OSGIN2: variants seen among roughly 807,000 people sequenced by gnomAD.
The protein encoded by OSGIN2 is oxidative stress-induced growth inhibitor 2.
In OSGIN2, 19 loss-of-function variants were observed where a neutral mutation model predicts 53.8. The observed-to-expected ratio is 0.35, with a 90% CI of 0.25 to 0.52. OSGIN2 has a LOEUF of 0.52. OSGIN2 is among the 20% of genes least tolerant of loss of function. The pLI is 0.95. For synonymous variants in OSGIN2, 236 were observed against 236.0 expected, an observed-to-expected ratio of 1.00 and a Z score of 0.00; for missense variants, 520 against 662.7, an observed-to-expected ratio of 0.78 and a Z score of 2.36.
At position 89,904,418 on chromosome 8, in the gene OSGIN2, T is replaced by C. The variant is rs561563801; in HGVS notation, c.44+1581T>C. Among the ~76,000 whole-genome samples the C allele has an allele frequency of 1.9e-4, 29 of 152,372 alleles. No individual in the cohort carries two copies. In the South Asian group the frequency reaches 3.5e-3, roughly 19 times the overall value. On this transcript the variant is annotated intron_variant, in intron 1 of 5. Coordinates refer to ENST00000451899, the MANE Select transcript of OSGIN2 (RefSeq NM_001126111.3). ...GGGAGTGAAAACAAAGTATTTGCTA[T>C]GTTTTGGTCTGGAGGGACAGAAAGA... is the stretch of plus-strand genomic sequence containing the variant.
chr8:89,907,174 C>T (rs1808856615), intron 1 of OSGIN2, among the ~76,000 whole-genome samples: 1 of 152,066 alleles, frequency 6.6e-6, no homozygotes, highest in African/African-American at 2.4e-5. Flanking sequence ...TTGTTGGATG[C>T]ATAGTTTGCA....
rs2130722806 is a variant in OSGIN2 at position 89,927,253 on chromosome 8, GTT to G, written c.*1722_*1723del. The G allele has an allele frequency of 6.6e-6, 1 of 150,532 alleles. No homozygotes were observed. Among genetic ancestry groups the G allele is most frequent in the South Asian group, 2.1e-4 (1 of 4,762 alleles). 9.3% of individuals were successfully genotyped at this position (150,532 alleles called of 1,614,324 possible). ...TCCCCTTGTGTCTCAAAAGTCCACA[GTT>G]ATTCAAACAATGGCTTTTTTTGTGA... On this transcript the variant is annotated 3_prime_UTR_variant, in exon 6 of 6. Coordinates refer to ENST00000451899, the MANE Select transcript of OSGIN2 (RefSeq NM_001126111.3).
Position 89,925,635 on chromosome 8 carries a change from A to C in OSGIN2, c.*103A>C, listed in dbSNP as rs895066857. 2.5e-5 allele frequency: 20 copies of C among 802,616 alleles called. No individual in the cohort carries two copies. The African/African-American group carries it at 2.8e-4, about 11-fold the overall frequency. 49.7% of individuals were successfully genotyped at this position (802,616 alleles called of 1,614,324 possible). Reference sequence around the variant, plus strand: ...AATTTTCTGGACTTGAGTTAACTGAAGGAGAGCCTCAAACTATAGTAACTT... The same window carrying C: ...AATTTTCTGGACTTGAGTTAACTGACGGAGAGCCTCAAACTATAGTAACTT... On this transcript the variant is annotated 3_prime_UTR_variant, in exon 6 of 6. Transcript: ENST00000451899.
intron 2 of OSGIN2, among the ~76,000 whole-genome samples, chr8:89,911,627 T>TTA (rs1224140910): frequency 1.1e-5 from 1 of 93,946 alleles, no homozygotes; most frequent in African/African-American, 4.0e-5. Context: ...AAACTCTGTC[T>TTA]AAAAAAAAAA....
intron 5 of OSGIN2, chr8:89,921,441 CTGTT>C (rs942182139): frequency 1.9e-5 from 6 of 308,836 alleles, no homozygotes; most frequent in Non-Finnish European, 3.6e-5. Context: ...ACATCACTCT[CTGTT>C]TAGTTACTTT....
intron 5 of OSGIN2, among the ~76,000 whole-genome samples, chr8:89,923,761 C>G (rs1346504062): frequency 5.3e-5 from 8 of 152,100 alleles, no homozygotes; most frequent in African/African-American, 1.7e-4. Context: ...CAGGACAAAC[C>G]CTACTGTAAA....
chr8:89,907,871 C>G (rs765867775), intron 1 of OSGIN2, among the ~76,000 whole-genome samples: 2 of 152,128 alleles, frequency 1.3e-5, no homozygotes, highest in Non-Finnish European at 1.5e-5. Context: ...TTTGCATAGC[C>G]ATTTTAATGA....
Position 89,925,163 on chromosome 8 carries a change from G to A in OSGIN2, c.1281G>A (p.Val427=), listed in dbSNP as rs1481555272. Residue 427 remains valine (V), a synonymous_variant, in exon 6 of 6, where the codon GTG becomes GTA. Transcript: ENST00000451899. The part of the protein sequence containing the change: ...SDYTSFPEHR[V]LSFKSDMKCV... ...ATACCAGCTTTCCCGAGCACCGTGT[G>A]CTTTCCTTTAAGTCGGACATGAAAT... The A allele has an allele frequency of 6.2e-7, 1 of 1,614,108 alleles. No homozygotes were observed. Among genetic ancestry groups the A allele is most frequent in the Admixed American group, 1.7e-5 (1 of 60,028 alleles).
In OSGIN2 at chr8:89,926,992, T is replaced by A. The variant is rs373913422; in HGVS notation, c.*1460T>A. 15 of 152,332 alleles carry A rather than the reference T, an allele frequency of 9.8e-5. No homozygotes were observed. In the East Asian group the frequency reaches 2.9e-3, roughly 29 times the overall value. 9.4% of individuals were successfully genotyped at this position (152,332 alleles called of 1,614,324 possible). A position where few individuals can be genotyped will look rare whatever the true frequency, so the allele number is the denominator to read the frequency against. ...GACTCTTGATAATATCACACCTAAT[T>A]TAACTTGATTTTACAAGCTGTACAA... is the stretch of plus-strand genomic sequence containing the variant. On this transcript the variant is annotated 3_prime_UTR_variant, in exon 6 of 6. Transcript: ENST00000451899.
chr8:89,920,729 A>T (rs1039202053), intron 4 of OSGIN2, among the ~76,000 whole-genome samples: 2 of 152,242 alleles, frequency 1.3e-5, no homozygotes, highest in African/African-American at 2.4e-5. Flanking sequence ...AAAAATGAAT[A>T]TACTGAATTT....
In OSGIN2 at chr8:89,925,161, G is replaced by C. The variant is rs1809293352; in HGVS notation, c.1279G>C (p.Val427Leu). Residue 427 changes from valine to leucine, a missense_variant, in exon 6 of 6, where the codon GTG becomes CTG. Around this residue, in one of 3 missense-constraint regions of OSGIN2, gnomAD observed 239 missense variants for 328.3 expected, o/e 0.73. Transcript: ENST00000451899. ...TTATACCAGCTTTCCCGAGCACCGT[G>C]TGCTTTCCTTTAAGTCGGACATGAA... ...SDYTSFPEHR[V>L]LSFKSDMKCV... 6.2e-7 allele frequency: 1 copy of C among 1,614,004 alleles called. No individual in the cohort carries two copies. The highest frequency in any genetic ancestry group is 1.3e-5 in the African/African-American group (1 of 74,934).
chr8:89,903,195 A>G (rs1435779237), intron 1 of OSGIN2, among the ~76,000 whole-genome samples: 1 of 152,172 alleles, frequency 6.6e-6, no homozygotes, highest in East Asian at 1.9e-4. Flanking sequence ...ATTATTTCTT[A>G]AAAAGTCTTC....
chr8:89,914,132 T>C lies in OSGIN2; in HGVS notation c.255T>C (p.Tyr85=). Residue 85 remains tyrosine, a synonymous_variant, in exon 3 of 6, where the codon TAT becomes TAC. Coordinates refer to ENST00000451899, the MANE Select transcript of OSGIN2 (RefSeq NM_001126111.3). The part of the protein sequence containing the change: ...LSYMLSGYRP[Y]LSSEAIHPNT... ...ATATGTTATCAGGCTACAGACCGTA[T>C]TTATCATCAGAAGCAATACACCCAA... 1 of 1,606,326 alleles carries C rather than the reference T, an allele frequency of 6.2e-7. No homozygotes were observed. Among genetic ancestry groups the C allele is most frequent in the Non-Finnish European group, 8.5e-7 (1 of 1,173,242 alleles).
rs1232565147 is a variant in OSGIN2 at position 89,927,563 on chromosome 8, C to A, written c.*2031C>A. ...AAGGGAAGAATCACTAAATACTTGTCTAGTTATAGCATGATGTGAGCATCT... is the reference window on the plus strand; with the variant it reads ...AAGGGAAGAATCACTAAATACTTGTATAGTTATAGCATGATGTGAGCATCT... On this transcript the variant is annotated 3_prime_UTR_variant, in exon 6 of 6. Transcript: ENST00000451899. 1.3e-5 allele frequency: 2 copies of A among 152,176 alleles called. No homozygotes were observed. Among genetic ancestry groups the A allele is most frequent in the African/African-American group, 4.8e-5 (2 of 41,440 alleles). 9.4% of individuals were successfully genotyped at this position (152,176 alleles called of 1,614,324 possible). A position where few individuals can be genotyped will look rare whatever the true frequency, so the allele number is the denominator to read the frequency against.
Position 89,902,738 on chromosome 8 carries a change from G to C in OSGIN2, c.-56G>C, listed in dbSNP as rs1181567522. ...GCGCCCCGAGCGGGCAGCCTCGCCG[G>C]GGGAGGCGGAGGCGGCCACGGCGGC... On this transcript the variant is annotated 5_prime_UTR_variant, in exon 1 of 6. Coordinates refer to ENST00000451899, the MANE Select transcript of OSGIN2 (RefSeq NM_001126111.3). 8 of 1,088,816 alleles carry C rather than the reference G, an allele frequency of 7.3e-6. No homozygotes were observed. The South Asian group carries it at 2.7e-4, about 36-fold the overall frequency. 67.4% of individuals were successfully genotyped at this position (1,088,816 alleles called of 1,614,324 possible). A position where few individuals can be genotyped will look rare whatever the true frequency, so the allele number is the denominator to read the frequency against.
At chr8:89,921,584 T>G (rs1348947441) in intron 5 of OSGIN2, among the ~76,000 whole-genome samples, 1 of 152,212 alleles carries the variant, frequency 6.6e-6, no homozygotes, top group Non-Finnish European at 1.5e-5. Flanking sequence ...AGTATAAAGA[T>G]TGTATATTTT....
Position 89,924,720 on chromosome 8 carries a change from G to A in OSGIN2, c.838G>A (p.Glu280Lys). The A allele has an allele frequency of 6.2e-7, 1 of 1,614,156 alleles. No homozygotes were observed. The highest frequency in any genetic ancestry group is 2.2e-5 in the East Asian group (1 of 44,886). The change falls in exon 6 of 6, where the codon GAA becomes AAA. Residue 280 changes from glutamate (E) to lysine (K), a missense_variant. Around this residue, in one of 3 missense-constraint regions of OSGIN2, gnomAD observed 78 missense variants for 59.1 expected, o/e 1.32. Transcript: ENST00000451899. The stretch of plus-strand genomic sequence containing the variant: ...GTCAAACTTTATCAAGAGAAACTGG[G>A]AAATTAGGGGTTATCAGCGAATAGC... ...EKSNFIKRNW[E>K]IRGYQRIADG...
intron 4 of OSGIN2, 120 bp from the exon 5 acceptor site, chr8:89,920,960 G>A (rs917947507): frequency 9.8e-6 from 6 of 609,906 alleles, no homozygotes; most frequent in South Asian, 2.4e-5. Context: ...CTGCAGGAGC[G>A]CACCTTGTCC....
At position 89,914,738 on chromosome 8, in the gene OSGIN2, G is replaced by T. The variant is rs1809042086; in HGVS notation, c.520G>T (p.Ala174Ser). ...VVLGKGPPGG[A>S]WHNMEGSMLT... ...TCTTGGTAAAGGTCCACCTGGTGGGGCTTGGCATGTGAGTATATTTTTCTT... is the reference window on the plus strand; with the variant it reads ...TCTTGGTAAAGGTCCACCTGGTGGGTCTTGGCATGTGAGTATATTTTTCTT... The change falls in exon 4 of 6, where the codon GCT becomes TCT. Residue 174 changes from alanine (A) to serine (S), a missense_variant. Ala to Ser is a moderately conservative substitution (Grantham distance 99). Around this residue, in one of 3 missense-constraint regions of OSGIN2, gnomAD observed 203 missense variants for 275.3 expected, o/e 0.74. Transcript: ENST00000451899. 6.2e-7 allele frequency: 1 copy of T among 1,611,980 alleles called. No homozygotes were observed. The highest frequency in any genetic ancestry group is 1.7e-5 in the Admixed American group (1 of 59,926).
Sources: allele counts gnomAD v4.1 joint callset (sites outside exome capture counted in the v4.1 genomes callset), GRCh38; gene constraint gnomAD v4.1.1; regional missense constraint gnomAD v4.1.1; transcripts MANE v1.5; gene names NCBI Gene and HGNC (gene_info 2026-07-23, HGNC 2026-07-21).